The following ITGAV variants were observed in gnomAD, a reference collection of about 807,000 sequenced individuals.
ITGAV encodes the protein integrin alpha-V.
Under a neutral mutation model 143.8 loss-of-function variants are expected in ITGAV, and 76 were observed. The observed-to-expected ratio is 0.53, with a 90% confidence interval of 0.44 to 0.64. ITGAV has a LOEUF of 0.64. Ranked by LOEUF, ITGAV falls within the 30% of genes least tolerant of loss-of-function variation. The pLI is 0.00. For synonymous variants in ITGAV, 453 were observed against 446.7 expected, an observed-to-expected ratio of 1.01 and a Z score of -0.18; for missense variants, 1,193 against 1,274.7, an observed-to-expected ratio of 0.94 and a Z score of 0.98.
intron 13 of ITGAV, among the ~76,000 whole-genome samples, chr2:186,649,375 G>C (rs762878548): frequency 6.6e-6 from 1 of 151,694 alleles, no homozygotes; most frequent in Non-Finnish European, 1.5e-5. Flanking sequence ...TCGTGAACCA[G>C]TTGAACCTGT....
At chr2:186,605,735 G>T (rs79422071) in intron 2 of ITGAV, among the ~76,000 whole-genome samples, 1 of 115,654 alleles carries the variant, frequency 8.6e-6, no homozygotes, top group Non-Finnish European at 1.7e-5. Context: ...AGTGGTTGTA[G>T]ATGTGTATAT....
rs544920486 is a variant in ITGAV, at chr2:186,614,683, C to T, written c.317-7656C>T. Among the ~76,000 whole-genome samples, 143 of 151,526 alleles carry T rather than the reference C, an allele frequency of 9.4e-4. 1 individual carries two copies. Among genetic ancestry groups the T allele is most frequent in the African/African-American group, 3.3e-3 (138 of 41,396 alleles). ...TTTTTAAATTTTGTTTTCTATTATC[C>T]GTTTTCATTCTTGATCTATTATATT... On this transcript the variant is annotated intron_variant, in intron 2 of 29. Transcript: ENST00000261023.
At chr2:186,607,818 A>G (rs1396353601) in intron 2 of ITGAV, among the ~76,000 whole-genome samples, 1 of 152,174 alleles carries the variant, frequency 6.6e-6, no homozygotes, top group Non-Finnish European at 1.5e-5. Flanking sequence ...GTGACTAGGT[A>G]TCATTGCTTA....
chr2:186,615,907 T>G (rs1306094993), intron 2 of ITGAV, among the ~76,000 whole-genome samples: 1 of 152,216 alleles, frequency 6.6e-6, no homozygotes, highest in Non-Finnish European at 1.5e-5. Context: ...CTTGTTTTCT[T>G]TTAAGAGTTT....
At chr2:186,609,692 A>G (rs1687162035) in intron 2 of ITGAV, among the ~76,000 whole-genome samples, 1 of 152,040 alleles carries the variant, frequency 6.6e-6, no homozygotes, top group South Asian at 2.1e-4. Flanking sequence ...ATGAGATGAA[A>G]TTCCTTAGAT....
chr2:186,631,872 A>C (rs1687822076), intron 5 of ITGAV, among the ~76,000 whole-genome samples: 2 of 152,114 alleles, frequency 1.3e-5, no homozygotes, highest in African/African-American at 4.8e-5. Flanking sequence ...ACAAAGAATT[A>C]AAAATTAGCC....
intron 29 of ITGAV, 36 bp downstream of exon 29, chr2:186,676,971 A>G: frequency 6.2e-7 from 1 of 1,601,542 alleles, no homozygotes; most frequent in Non-Finnish European, 8.5e-7. Flanking sequence ...AGAGAGGGAA[A>G]GCAGAAGAAA....
chr2:186,664,531 C>G lies in ITGAV; in HGVS notation c.1963C>G (p.Leu655Val). 6.2e-7 allele frequency: 1 copy of G among 1,613,914 alleles called. No individual in the cohort carries two copies. Among genetic ancestry groups the G allele is most frequent in the Non-Finnish European group, 8.5e-7 (1 of 1,179,840 alleles). The change falls in exon 20 of 30, where the codon CTG (leucine) becomes GTG (valine). Residue 655 changes from leucine to valine, a missense_variant. Leu to Val is a conservative substitution (Grantham distance 32). Coordinates refer to ENST00000261023, the MANE Select transcript of ITGAV (RefSeq NM_002210.5). ...KKIYIGDDNP[L>V]TLIVKAQNQG... The stretch of plus-strand genomic sequence containing the variant: ...GATCTATATTGGGGATGACAACCCT[C>G]TGACATTGATTGTTAAGGCTCAGAA...
chr2:186,595,483 C>T (rs72903136), intron 1 of ITGAV, among the ~76,000 whole-genome samples: 4 of 152,096 alleles, frequency 2.6e-5, no homozygotes, highest in African/African-American at 4.8e-5. Context: ...GATACCTCTC[C>T]CTCTGTATCG....
intron 18 of ITGAV, among the ~76,000 whole-genome samples, chr2:186,660,125 A>G (rs1366295167): frequency 2.0e-5 from 3 of 152,080 alleles, no homozygotes; most frequent in African/African-American, 4.8e-5. Flanking sequence ...GTGCTTTCAT[A>G]TATGGGTTAT....
At chr2:186,648,911 T>TGC (rs1210939162) in intron 13 of ITGAV, among the ~76,000 whole-genome samples, 4 of 149,826 alleles carry the variant, frequency 2.7e-5, no homozygotes, top group Admixed American at 6.7e-5. Flanking sequence ...CATTTTCATT[T>TGC]GTGTGTATAT....
intron 24 of ITGAV, 82 bp downstream of exon 24, chr2:186,667,858 T>C: frequency 1.4e-6 from 1 of 701,358 alleles, no homozygotes. Context: ...AAAAAAAAAA[T>C]TCTATGTAAT....
chr2:186,668,185 C>CATATATATATATATATATATATATAT (rs1225346630), intron 24 of ITGAV, among the ~76,000 whole-genome samples: 1 of 19,076 alleles, frequency 5.2e-5, no homozygotes, highest in Non-Finnish European at 8.7e-5. Flanking sequence ...TACATACATA[C>CATATATATATATATATATATATATAT]ATATATATAT....
intron 4 of ITGAV, among the ~76,000 whole-genome samples, chr2:186,627,439 A>G (rs911053657): frequency 2.0e-5 from 3 of 152,180 alleles, no homozygotes; most frequent in African/African-American, 7.2e-5. Context: ...TGCTTTCATG[A>G]CCTAGGTTTG....
chr2:186,632,062 G>A (rs969423302), intron 5 of ITGAV, among the ~76,000 whole-genome samples: 1 of 151,912 alleles, frequency 6.6e-6, no homozygotes, highest in African/African-American at 2.4e-5. Context: ...ATCTGTATTT[G>A]TATTTTATTA....
At chr2:186,610,098 C>T (rs1007341047) in intron 2 of ITGAV, among the ~76,000 whole-genome samples, 1 of 151,934 alleles carries the variant, frequency 6.6e-6, no homozygotes, top group Non-Finnish European at 1.5e-5. Flanking sequence ...ATTAATTTTC[C>T]TAGTCACTTT....
At chr2:186,633,499 T>C in intron 6 of ITGAV, 125 bp downstream of exon 6, 1 of 420,516 alleles carries the variant, frequency 2.4e-6, no homozygotes, top group Non-Finnish European at 4.4e-6. Flanking sequence ...TTAAAGTATA[T>C]AAACACTCCA....
At chr2:186,607,434 G>T (rs1417773911) in intron 2 of ITGAV, among the ~76,000 whole-genome samples, 2 of 151,952 alleles carry the variant, frequency 1.3e-5, no homozygotes, top group African/African-American at 4.8e-5. Context: ...GTCATTTCTG[G>T]GTGGCAGGGT....
chr2:186,600,475 C>G (rs1436151386), intron 1 of ITGAV: 1 of 1,490,108 alleles, frequency 6.7e-7, no homozygotes, highest in East Asian at 2.5e-5. Flanking sequence ...AGAGACTTTC[C>G]TTTACCTAGA....
Sources: gnomAD v4.1 joint callset for allele counts (sites outside exome capture counted in the v4.1 genomes callset) on GRCh38, gnomAD v4.1.1 for gene constraint, MANE v1.5 for transcripts, NCBI Gene and HGNC (gene_info 2026-07-23, HGNC 2026-07-21) for gene names.